Variants in NRDC observed in about 807,000 individuals in gnomAD.
NRDC encodes nardilysin.
In NRDC, 54 loss-of-function variants were observed where a neutral mutation model predicts 147.1. The observed-to-expected ratio is 0.37, with a 90% CI of 0.29 to 0.46. The LOEUF is 0.46. Among genes scored for constraint, NRDC ranks in the 20% least tolerant of loss-of-function variants. The pLI, the probability that NRDC is intolerant of heterozygous loss-of-function variation, is 1.00. For synonymous variants in NRDC, 440 were observed against 482.1 expected, an observed-to-expected ratio of 0.91 and a Z score of 1.14; for missense variants, 1,082 against 1,370.6, an observed-to-expected ratio of 0.79 and a Z score of 3.33.
rs1353789017 is a variant in NRDC, at chr1:51,861,499, A to G, written c.341+16776T>C. ...TGCATGCCATGAGGCCTGGCTTTTT[A>G]TTATTATTATTATTTTTTTTTATTT... On this transcript the variant is annotated intron_variant, in intron 1 of 30. Transcript: ENST00000352171. 3.5e-5 allele frequency among the ~76,000 whole-genome samples: 5 copies of G among 144,510 alleles called. No individual in the cohort carries two copies. In the East Asian group the frequency reaches 9.8e-4, roughly 28 times the overall value. The allele number at this position is 144,510 out of a possible 152,430, so 94.8% of individuals were successfully genotyped here. A position where few individuals can be genotyped will look rare whatever the true frequency, so the allele number is the denominator to read the frequency against.
At chr1:51,795,905 G>A (rs1678878887) in intron 22 of NRDC, among the ~76,000 whole-genome samples, 1 of 152,034 alleles carries the variant, frequency 6.6e-6, no homozygotes, top group African/African-American at 2.4e-5. Flanking sequence ...AAAAACACCA[G>A]GGTCTTGCTT....
At chr1:51,826,997 T>C (rs973506642) in intron 5 of NRDC, among the ~76,000 whole-genome samples, 1 of 152,190 alleles carries the variant, frequency 6.6e-6, no homozygotes, top group Non-Finnish European at 1.5e-5. Flanking sequence ...TTTTCATCCA[T>C]TCAACAGGTA....
intron 1 of NRDC, among the ~76,000 whole-genome samples, chr1:51,859,403 A>AGT (rs1277549947): frequency 6.6e-6 from 1 of 152,256 alleles, no homozygotes; most frequent in African/African-American, 2.4e-5. Context: ...CTCTGGAGTC[A>AGT]GAGGTCTGGA....
Position 51,878,425 on chromosome 1 carries a change from T to G in NRDC, c.191A>C (p.Asp64Ala). The change falls in exon 1 of 31, where the codon GAC becomes GCC. Residue 64 changes from aspartate (D) to alanine (A), a missense_variant. Transcript: ENST00000352171. ...CAGATCCTGTCCATTGGGCTGCAGG[T>G]CAGGGCAGCTGCAGGTAGACTTCGC... is the stretch of plus-strand genomic sequence containing the variant. ...NKAKSTCSCPDLQPNGQDLGE... is the reference protein window; with the variant it reads ...NKAKSTCSCPALQPNGQDLGE... The G allele has an allele frequency of 6.2e-7, 1 of 1,614,052 alleles. No individual in the cohort carries two copies. The highest frequency in any genetic ancestry group is 8.5e-7 in the Non-Finnish European group (1 of 1,180,032).
intron 30 of NRDC, 48 bp from the exon 31 acceptor site, chr1:51,789,481 G>C: frequency 6.2e-7 from 1 of 1,605,940 alleles, no homozygotes; most frequent in South Asian, 1.1e-5. Context: ...ACCAGATTTA[G>C]GGGTTTAAGA....
intron 14 of NRDC, 42 bp downstream of exon 14, chr1:51,813,993 T>G (rs1236159221): frequency 7.9e-7 from 1 of 1,269,868 alleles, no homozygotes; most frequent in African/African-American, 1.5e-5. Flanking sequence ...CAGCTTCAAC[T>G]CAGTCACAGA....
At chr1:51,832,354 A>T (rs148210032) in intron 4 of NRDC, among the ~76,000 whole-genome samples, 1,746 of 152,104 alleles carry the variant, frequency 0.011, 38 homozygotes, top group South Asian at 0.098. Context: ...GCCAATTTTT[A>T]AAAAAAATAT....
chr1:51,845,714 G>A (rs1026327161), intron 1 of NRDC, among the ~76,000 whole-genome samples: 3 of 151,928 alleles, frequency 2.0e-5, no homozygotes, highest in African/African-American at 7.3e-5. Context: ...AACCTTCTTC[G>A]CACCATTTAT....
At chr1:51,818,832 A>C (rs539873263) in intron 9 of NRDC, among the ~76,000 whole-genome samples, 1 of 152,334 alleles carries the variant, frequency 6.6e-6, no homozygotes, top group South Asian at 2.1e-4. Context: ...TGAATTAAGA[A>C]TGTTTCTGCA....
intron 22 of NRDC, among the ~76,000 whole-genome samples, chr1:51,797,116 C>T (rs560185660): frequency 1.7e-4 from 26 of 151,930 alleles, no homozygotes; most frequent in African/African-American, 5.5e-4. Flanking sequence ...AGGAGAATGG[C>T]GTGAACCGAA....
chr1:51,844,584 T>C (rs1053891319), intron 1 of NRDC, among the ~76,000 whole-genome samples: 1 of 151,068 alleles, frequency 6.6e-6, no homozygotes, highest in Non-Finnish European at 1.5e-5. Flanking sequence ...CTACTAAAAA[T>C]ACAAAAAAAT....
chr1:51,846,361 G>C (rs1010613731), intron 1 of NRDC, among the ~76,000 whole-genome samples: 1 of 152,090 alleles, frequency 6.6e-6, no homozygotes, highest in Non-Finnish European at 1.5e-5. Context: ...TGATCCACCC[G>C]CCTCGGTCTC....
chr1:51,862,209 A>C (rs903323794), intron 1 of NRDC: 6 of 152,142 alleles, frequency 3.9e-5, no homozygotes, highest in Non-Finnish European at 8.8e-5. Context: ...TAGCAGTTTT[A>C]GAATTAGTAA....
At chr1:51,870,792 GTAAT>G (rs1683046219) in intron 1 of NRDC, among the ~76,000 whole-genome samples, 1 of 151,032 alleles carries the variant, frequency 6.6e-6, no homozygotes, top group African/African-American at 2.4e-5. Flanking sequence ...TTAATAATTA[GTAAT>G]TAATAATTAC....
chr1:51,875,119 G>A (rs1270565857), intron 1 of NRDC, among the ~76,000 whole-genome samples: 5 of 152,234 alleles, frequency 3.3e-5, no homozygotes, highest in Non-Finnish European at 7.3e-5. Context: ...GGCTGCAGAT[G>A]CGTCTAAGTG....
In NRDC at chr1:51,875,606, T is replaced by A. The variant is rs1242429450; in HGVS notation, c.341+2669A>T. Among the ~76,000 whole-genome samples the A allele has an allele frequency of 5.4e-3, 820 of 152,342 alleles. 1 individual carries two copies. Among genetic ancestry groups the A allele is most frequent in the Non-Finnish European group, 8.6e-3 (582 of 68,038 alleles). On this transcript the variant is annotated intron_variant, in intron 1 of 30. Transcript: ENST00000352171. ...GACAGTGTCTCACTGCCACCCAGGCTGGAGTGCAGTGGCACGATCATGGCT... is the reference window on the plus strand; with the variant it reads ...GACAGTGTCTCACTGCCACCCAGGCAGGAGTGCAGTGGCACGATCATGGCT...
rs1477283797 is a variant in NRDC, at chr1:51,791,657, G to A, written c.2881C>T (p.His961Tyr). The change falls in exon 27 of 31, where the codon CAT becomes TAT. Residue 961 changes from histidine (H) to tyrosine (Y), a missense_variant. By Grantham distance (83) the His-to-Tyr change is moderately conservative (BLOSUM62 2). Around this residue, in one of 3 missense-constraint regions of NRDC, gnomAD observed 635 missense variants for 923.8 expected, o/e 0.69. Transcript: ENST00000352171. The stretch of plus-strand genomic sequence containing the variant: ...GTGTTCCTACAGGTAGGGTAGACAT[G>A]GTACCTACAAGCCAGAGAGAAAAGT... Reference protein sequence around the residue: ...FLRTKQTLGYHVYPTCRNTSG... With the variant: ...FLRTKQTLGYYVYPTCRNTSG... 6.2e-7 allele frequency: 1 copy of A among 1,612,972 alleles called. No homozygotes were observed. The highest frequency in any genetic ancestry group is 2.2e-5 in the East Asian group (1 of 44,878).
chr1:51,804,020 T>C (rs1337504179), intron 19 of NRDC, 56 bp from the exon 20 acceptor site: 7 of 1,456,276 alleles, frequency 4.8e-6, no homozygotes, highest in Non-Finnish European at 6.5e-6. Context: ...ACACATGAAA[T>C]AGATTTGCTT....
At chr1:51,832,089 C>T (rs565442846) in intron 4 of NRDC, among the ~76,000 whole-genome samples, 6 of 152,116 alleles carry the variant, frequency 3.9e-5, no homozygotes, top group Admixed American at 3.9e-4. Flanking sequence ...CTCTGTCACT[C>T]AGGCTGGAGT....
Sources: gnomAD v4.1 joint callset for allele counts (sites outside exome capture counted in the v4.1 genomes callset) on GRCh38, gnomAD v4.1.1 for gene constraint, gnomAD v4.1.1 regional missense constraint, MANE v1.5 for transcripts, NCBI Gene and HGNC (gene_info 2026-07-23, HGNC 2026-07-21) for gene names.